ARHGAP15: variants seen among roughly 807,000 people sequenced by gnomAD.
The protein encoded by ARHGAP15 is Rho GTPase activating protein 15.
Under a neutral mutation model 63.7 loss-of-function variants are expected in ARHGAP15, and 51 were observed. That is an observed-to-expected ratio of 0.80 (90% CI 0.64 to 1.01). The LOEUF is 1.01. ARHGAP15 is among the 50% of genes least tolerant of loss of function. The pLI, the probability that ARHGAP15 is intolerant of heterozygous loss-of-function variation, is 0.00. For missense variants in ARHGAP15, 560 were observed against 564.6 expected, an observed-to-expected ratio of 0.99 and a Z score of 0.08; for synonymous variants, 191 against 193.8, an observed-to-expected ratio of 0.99 and a Z score of 0.12.
chr2:143,405,154 T>A (rs1238861438), intron 6 of ARHGAP15, among the ~76,000 whole-genome samples: 2 of 151,972 alleles, frequency 1.3e-5, no homozygotes, highest in Non-Finnish European at 2.9e-5. Context: ...TCAAATTCTA[T>A]ATCAATTTAA....
chr2:143,236,130 T>C (rs1693634141), intron 5 of ARHGAP15: 1 of 916,830 alleles, frequency 1.1e-6, no homozygotes, highest in African/African-American at 1.7e-5. Context: ...ATATAATTTT[T>C]TTCTTTTTGT....
At chr2:143,622,207 G>A (rs1186093182) in intron 11 of ARHGAP15, among the ~76,000 whole-genome samples, 4 of 152,150 alleles carry the variant, frequency 2.6e-5, no homozygotes, top group Non-Finnish European at 5.9e-5. Flanking sequence ...GCAGCAAAGT[G>A]CTTAAAAGAT....
intron 11 of ARHGAP15, among the ~76,000 whole-genome samples, chr2:143,606,555 T>G (rs943111220): frequency 6.6e-6 from 1 of 152,200 alleles, no homozygotes; most frequent in Non-Finnish European, 1.5e-5. Context: ...TAGTTAAAAG[T>G]AAAATGGGAA....
intron 12 of ARHGAP15, among the ~76,000 whole-genome samples, chr2:143,652,498 C>A (rs1406344281): frequency 6.6e-6 from 1 of 152,044 alleles, no homozygotes. Flanking sequence ...AATTGGCTTT[C>A]CATTAAACCT....
intron 10 of ARHGAP15, among the ~76,000 whole-genome samples, chr2:143,527,090 G>T (rs1694311101): frequency 6.6e-6 from 1 of 151,926 alleles, no homozygotes; most frequent in African/African-American, 2.4e-5. Flanking sequence ...AAAGCATGAT[G>T]TTCTTTTTTA....
chr2:143,316,891 A>C (rs1166009246), intron 6 of ARHGAP15, among the ~76,000 whole-genome samples: 1 of 152,184 alleles, frequency 6.6e-6, no homozygotes, highest in South Asian at 2.1e-4. Flanking sequence ...AGTCAAGCTC[A>C]GTGACTTCAA....
intron 12 of ARHGAP15, among the ~76,000 whole-genome samples, chr2:143,687,942 A>G (rs1051123982): frequency 2.6e-5 from 4 of 152,174 alleles, no homozygotes; most frequent in Admixed American, 6.5e-5. Flanking sequence ...ATTGTACAAA[A>G]TTATTTTTAA....
intron 6 of ARHGAP15, chr2:143,305,247 A>T (rs4257342): frequency 0.5 from 75,358 of 149,306 alleles, 21,027 homozygotes; most frequent in African/African-American, 0.77. Context: ...AAACACTGCA[A>T]GTTCTAATAA....
rs1466050376 is a variant in ARHGAP15, at chr2:143,153,789, T to A, written c.-14-1688T>A. On this transcript the variant is annotated intron_variant, in intron 1 of 13. Coordinates refer to ENST00000295095, the MANE Select transcript of ARHGAP15 (RefSeq NM_018460.4). ...AATTATATAATAAATCTTCTTCTTC[T>A]TCTTCTTCTTCTTCTTCTTCTTCTT... 3.4e-3 allele frequency among the ~76,000 whole-genome samples: 98 copies of A among 29,192 alleles called. 1 individual carries two copies. Among genetic ancestry groups the A allele is most frequent in the African/African-American group, 0.01 (88 of 8,428 alleles). 19.2% of individuals were successfully genotyped at this position (29,192 alleles called of 152,430 possible). A position where few individuals can be genotyped will look rare whatever the true frequency, so the allele number is the denominator to read the frequency against.
At chr2:143,740,600 G>A (rs899950098) in intron 13 of ARHGAP15, among the ~76,000 whole-genome samples, 23 of 152,312 alleles carry the variant, frequency 1.5e-4, no homozygotes, top group South Asian at 1.2e-3. Context: ...TCAAAACAGC[G>A]TCAGCGGTGG....
At chr2:143,354,930 C>A (rs1426161216) in intron 6 of ARHGAP15, among the ~76,000 whole-genome samples, 1 of 152,142 alleles carries the variant, frequency 6.6e-6, no homozygotes, top group Non-Finnish European at 1.5e-5. Flanking sequence ...TTCCATTTCA[C>A]AATTTCAAAG....
intron 6 of ARHGAP15, among the ~76,000 whole-genome samples, chr2:143,346,250 T>TCACACACA (rs138964635): frequency 7.2e-5 from 10 of 138,750 alleles, no homozygotes; most frequent in African/African-American, 2.2e-4. Flanking sequence ...ACACACACAC[T>TCACACACA]CACACACACA....
At chr2:143,746,984 C>A (rs1258537547) in intron 13 of ARHGAP15, among the ~76,000 whole-genome samples, 1 of 152,092 alleles carries the variant, frequency 6.6e-6, no homozygotes, top group Non-Finnish European at 1.5e-5. Context: ...TGGATGCTAT[C>A]TGCTTTATCA....
intron 12 of ARHGAP15, among the ~76,000 whole-genome samples, chr2:143,637,463 T>C (rs911330562): frequency 1.3e-5 from 2 of 152,152 alleles, no homozygotes; most frequent in Admixed American, 1.3e-4. Context: ...GAATTTTGCT[T>C]TAAGTTTTGC....
chr2:143,391,462 A>C (rs1001373447), intron 6 of ARHGAP15, among the ~76,000 whole-genome samples: 2 of 152,192 alleles, frequency 1.3e-5, no homozygotes, highest in African/African-American at 4.8e-5. Context: ...CTACCAAAGC[A>C]TGCTATGCAG....
intron 1 of ARHGAP15, among the ~76,000 whole-genome samples, chr2:143,144,644 G>A (rs1440846251): frequency 2.0e-5 from 3 of 151,954 alleles, no homozygotes; most frequent in African/African-American, 7.2e-5. Context: ...AATATTTACA[G>A]CATCATTTTC....
rs1681528249 is a variant in ARHGAP15 at position 143,657,693 on chromosome 2, T to C, written c.1138+33426T>C. ...ATGAGTAAACTATTGTTTTGTTCTC[T>C]AGTCATTCCACCTATGTCTATCATA... On this transcript the variant is annotated intron_variant, in intron 12 of 13. Coordinates refer to ENST00000295095, the MANE Select transcript of ARHGAP15 (RefSeq NM_018460.4). 1.3e-5 allele frequency among the ~76,000 whole-genome samples: 2 copies of C among 152,246 alleles called. 1 individual carries two copies. The highest frequency in any genetic ancestry group is 4.1e-4 in the South Asian group (2 of 4,832).
At chr2:143,200,000 A>G (rs1269851928) in intron 2 of ARHGAP15, among the ~76,000 whole-genome samples, 1 of 152,146 alleles carries the variant, frequency 6.6e-6, no homozygotes, top group Non-Finnish European at 1.5e-5. Flanking sequence ...TGGAGCAAGA[A>G]CTTGGTACCT....
chr2:143,576,391 G>A (rs186449658), intron 11 of ARHGAP15, among the ~76,000 whole-genome samples: 123 of 152,224 alleles, frequency 8.1e-4, no homozygotes, highest in Non-Finnish European at 1.2e-3. Context: ...TCCTAAATAA[G>A]TGGGAAAGAG....
Sources: gnomAD v4.1 joint callset for allele counts (sites outside exome capture counted in the v4.1 genomes callset) on GRCh38, gnomAD v4.1.1 for gene constraint, MANE v1.5 for transcripts, NCBI Gene and HGNC (gene_info 2026-07-23, HGNC 2026-07-21) for gene names.